Variants in USP31 observed in about 807,000 individuals in gnomAD.
USP31 encodes the protein ubiquitin carboxyl-terminal hydrolase 31.
In USP31, 44 loss-of-function variants were observed where a neutral mutation model predicts 119.4. The ratio of observed to expected loss-of-function variants is 0.37; its 90% confidence interval spans 0.29 to 0.47. The LOEUF (loss-of-function observed/expected upper bound fraction) is 0.47. Ranked by LOEUF, USP31 falls within the 20% of genes least tolerant of loss-of-function variation. USP31 has a pLI of 0.99. For missense variants in USP31, 1,643 were observed against 1,730.2 expected (o/e 0.95, Z 0.89); for synonymous variants, 749 against 705.6 (o/e 1.06, Z -0.97).
At position 23,135,482 on chromosome 16, in the gene USP31, T is replaced by A. The variant is rs556162498; in HGVS notation, c.633+13156A>T. 5.4e-4 allele frequency among the ~76,000 whole-genome samples: 82 copies of A among 152,164 alleles called. 1 individual carries two copies. The highest frequency in any genetic ancestry group is 5.2e-3 in the Admixed American group (79 of 15,280). On this transcript the variant is annotated intron_variant, in intron 1 of 15. Transcript: ENST00000219689. ...CCAAAATCTGTTAGCACTAATAAAT[T>A]CAGCAAATTGCAGGATACAAAATCA... is the stretch of plus-strand genomic sequence containing the variant.
intron 1 of USP31, among the ~76,000 whole-genome samples, chr16:23,143,750 A>AG (rs1311436290): frequency 6.6e-5 from 10 of 152,288 alleles, no homozygotes; most frequent in African/African-American, 2.2e-4. Context: ...CCCTTTAGTA[A>AG]GGGGGGCTGT....
intron 6 of USP31, 131 bp from the exon 7 acceptor site, chr16:23,090,935 A>C: frequency 1.2e-6 from 1 of 808,738 alleles, no homozygotes; most frequent in Middle Eastern, 4.0e-4. Flanking sequence ...GCAATCAAAA[A>C]AAGAAACATC....
chr16:23,144,990 G>T (rs956619577), intron 1 of USP31, among the ~76,000 whole-genome samples: 1 of 152,004 alleles, frequency 6.6e-6, no homozygotes, highest in Non-Finnish European at 1.5e-5. Flanking sequence ...CATAGCTCAC[G>T]AAGCCCTTCA....
chr16:23,090,760 C>G lies in USP31; in HGVS notation c.1279G>C (p.Asp427His). Residue 427 changes from aspartate to histidine, a missense_variant, in exon 7 of 16, where the codon GAT becomes CAT. Transcript: ENST00000219689. Reference sequence around the variant, plus strand: ...GTAGGAGAAGACAGTCTATGATAATCCAAGCCAAATTTCAAGTGGTTTAGG... The same window carrying G: ...GTAGGAGAAGACAGTCTATGATAATGCAAGCCAAATTTCAAGTGGTTTAGG... ...NNLNHLKFGL[D>H]YHRLSSPTQT... 6.2e-7 allele frequency: 1 copy of G among 1,608,334 alleles called. No homozygotes were observed. The highest frequency in any genetic ancestry group is 8.5e-7 in the Non-Finnish European group (1 of 1,175,720).
rs558661713 is a variant in USP31 at position 23,137,569 on chromosome 16, G to A, written c.633+11069C>T. On this transcript the variant is annotated intron_variant, in intron 1 of 15. Transcript: ENST00000219689. Reference sequence around the variant, plus strand: ...CTTATTCTGTCCTCTTCCTTTGGACGTTTTCCTCCCTACATAATATAACAC... The same window carrying A: ...CTTATTCTGTCCTCTTCCTTTGGACATTTTCCTCCCTACATAATATAACAC... 8.2e-5 allele frequency among the ~76,000 whole-genome samples: 11 copies of A among 133,972 alleles called. No homozygotes were observed. The South Asian group carries it at 1.1e-3, about 14-fold the overall frequency. The allele number at this position is 133,972 out of a possible 152,430, so 87.9% of individuals were successfully genotyped here.
intron 1 of USP31, among the ~76,000 whole-genome samples, chr16:23,129,871 C>A (rs922647786): frequency 6.6e-6 from 1 of 151,930 alleles, no homozygotes; most frequent in African/African-American, 2.4e-5. Flanking sequence ...TACTCTGGAC[C>A]CAGGAAGGAG....
At chr16:23,082,719 G>C (rs1470922676) in intron 11 of USP31, among the ~76,000 whole-genome samples, 162 bp from the exon 12 acceptor site, 1 of 152,050 alleles carries the variant, frequency 6.6e-6, no homozygotes, top group Non-Finnish European at 1.5e-5. Flanking sequence ...GCCAGAGCTG[G>C]CACCCAAACT....
In USP31 at chr16:23,069,091, T is replaced by C; in HGVS notation, c.3014A>G (p.Glu1005Gly). 7 of 1,612,694 alleles carry C rather than the reference T, an allele frequency of 4.3e-6. No individual in the cohort carries two copies. The highest frequency in any genetic ancestry group is 5.1e-6 in the Non-Finnish European group (6 of 1,180,010). The change falls in exon 16 of 16, where the codon GAG (glutamate) becomes GGG (glycine). Residue 1005 changes from glutamate (E) to glycine (G), a missense_variant. Glu to Gly is a moderately conservative substitution (Grantham distance 98, BLOSUM62 -2). This residue lies in a region of USP31 where 699 missense variants were observed against 650.9 expected (regional missense o/e 1.07). Coordinates refer to ENST00000219689, the MANE Select transcript of USP31 (RefSeq NM_020718.4). Reference protein sequence around the residue: ...SDSVDSSPVKEVKAPSHPGSL... With the variant: ...SDSVDSSPVKGVKAPSHPGSL... The stretch of plus-strand genomic sequence containing the variant: ...GCCTGGGTGGCTGGGGGCTTTCACC[T>C]CTTTGACTGGAGAGCTGTCTACGGA...
rs141964728 is a variant in USP31 at position 23,126,030 on chromosome 16, T to C, written c.634-17847A>G. ...TTACTATGGGGGTTAAAGGGAATCATAGCAGCCATACACAGTGCCTCATGC... is the reference window on the plus strand; with the variant it reads ...TTACTATGGGGGTTAAAGGGAATCACAGCAGCCATACACAGTGCCTCATGC... On this transcript the variant is annotated intron_variant, in intron 1 of 15. Coordinates refer to ENST00000219689, the MANE Select transcript of USP31 (RefSeq NM_020718.4). 5.2e-3 allele frequency among the ~76,000 whole-genome samples: 785 copies of C among 152,150 alleles called. 4 individuals are homozygous for C. Among genetic ancestry groups the C allele is most frequent in the Middle Eastern group, 0.014 (4 of 294 alleles).
chr16:23,139,201 G>A (rs1032815025), intron 1 of USP31, among the ~76,000 whole-genome samples: 2 of 152,096 alleles, frequency 1.3e-5, no homozygotes, highest in African/African-American at 2.4e-5. Context: ...TCAGGAGTTC[G>A]AGACCACCCT....
rs141747985 is a variant in USP31, at chr16:23,132,493, C to T, written c.633+16145G>A. ...GGGACAGGAAAAATCCATCAAGCCACGCACAAATAGAACAAAAGTAGCAGA... is the reference window on the plus strand; with the variant it reads ...GGGACAGGAAAAATCCATCAAGCCATGCACAAATAGAACAAAAGTAGCAGA... On this transcript the variant is annotated intron_variant, in intron 1 of 15. Coordinates refer to ENST00000219689, the MANE Select transcript of USP31 (RefSeq NM_020718.4). Among the ~76,000 whole-genome samples, 587 of 152,026 alleles carry T rather than the reference C, an allele frequency of 3.9e-3. 4 individuals carry two copies. Among genetic ancestry groups the T allele is most frequent in the Non-Finnish European group, 5.8e-3 (396 of 67,972 alleles).
chr16:23,140,429 C>T (rs935620203), intron 1 of USP31, among the ~76,000 whole-genome samples: 13 of 152,158 alleles, frequency 8.5e-5, no homozygotes, highest in Non-Finnish European at 1.8e-4. Flanking sequence ...CCCCCAACAA[C>T]AAAGAATTAG....
At position 23,085,639 on chromosome 16, in the gene USP31, C is replaced by T. The variant is rs1350637108; in HGVS notation, c.1646G>A (p.Gly549Asp). ...VERALKSCGP[G>D]GTAHVKLVVE... Reference sequence around the variant, plus strand: ...TACTAATTTCACATGAGCAGTGCCACCTGGTCCACAAGATTTTAATGCCCT... The same window carrying T: ...TACTAATTTCACATGAGCAGTGCCATCTGGTCCACAAGATTTTAATGCCCT... Residue 549 changes from glycine (G) to aspartate (D), a missense_variant, in exon 10 of 16, where the codon GGT (glycine) becomes GAT (aspartate). By Grantham distance (94) the Gly-to-Asp change is moderately conservative (BLOSUM62 -1). Around this residue, in one of 5 missense-constraint regions of USP31, gnomAD observed 219 missense variants for 226.4 expected, o/e 0.97. Transcript: ENST00000219689. The T allele has an allele frequency of 1.9e-6, 3 of 1,614,006 alleles. No homozygotes were observed. Among genetic ancestry groups the T allele is most frequent in the Non-Finnish European group, 2.5e-6 (3 of 1,179,968 alleles).
At chr16:23,143,796 A>T (rs553958854) in intron 1 of USP31, among the ~76,000 whole-genome samples, 2 of 152,222 alleles carry the variant, frequency 1.3e-5, no homozygotes, top group South Asian at 4.1e-4. Context: ...GCATCCCTGG[A>T]ATCTACCACC....
At chr16:23,147,626 G>T (rs1338221252) in intron 1 of USP31, among the ~76,000 whole-genome samples, 1 of 152,132 alleles carries the variant, frequency 6.6e-6, no homozygotes, top group African/African-American at 2.4e-5. Flanking sequence ...GGAGGGCTTG[G>T]CCAAGGGCCA....
In USP31 at chr16:23,085,631, C is replaced by T. The variant is rs9932912; in HGVS notation, c.1654G>A (p.Ala552Thr). ...CACTCGACTACTAATTTCACATGAG[C>T]AGTGCCACCTGGTCCACAAGATTTT... The part of the protein sequence containing the change: ...ALKSCGPGGT[A>T]HVKLVVEWDK... The change falls in exon 10 of 16, where the codon GCT (alanine) becomes ACT (threonine). Residue 552 changes from alanine (A) to threonine (T), a missense_variant. Ala to Thr is a moderately conservative substitution (Grantham distance 58, BLOSUM62 0). This residue lies in a region of USP31 where 279 missense variants were observed against 372.2 expected (regional missense o/e 0.75). Coordinates refer to ENST00000219689, the MANE Select transcript of USP31 (RefSeq NM_020718.4). The T allele has an allele frequency of 2.4e-3, 3,794 of 1,614,034 alleles. 46 individuals are homozygous for T. In the African/African-American group the frequency reaches 0.03, roughly 13 times the overall value.
At chr16:23,081,037 A>G (rs1900798361) in intron 12 of USP31, among the ~76,000 whole-genome samples, 1 of 152,202 alleles carries the variant, frequency 6.6e-6, no homozygotes, top group Admixed American at 6.5e-5. Flanking sequence ...AATCATTGCA[A>G]CAGTGACCAG....
At chr16:23,121,540 A>C (rs1902669556) in intron 1 of USP31, among the ~76,000 whole-genome samples, 1 of 152,202 alleles carries the variant, frequency 6.6e-6, no homozygotes, top group Non-Finnish European at 1.5e-5. Context: ...TAAATGGATG[A>C]GTGTGTGAAT....
intron 1 of USP31, among the ~76,000 whole-genome samples, chr16:23,111,083 G>A (rs563607830): frequency 2.6e-5 from 4 of 152,226 alleles, no homozygotes; most frequent in Non-Finnish European, 5.9e-5. Flanking sequence ...AGCCAAGATC[G>A]TGCCACTGCC....
Sources: allele counts gnomAD v4.1 joint callset (sites outside exome capture counted in the v4.1 genomes callset), GRCh38; gene constraint gnomAD v4.1.1; regional missense constraint gnomAD v4.1.1; transcripts MANE v1.5; gene names NCBI Gene and HGNC (gene_info 2026-07-23, HGNC 2026-07-21).